TRIM65: variants seen among roughly 807,000 people sequenced by gnomAD.
The protein encoded by TRIM65 is tripartite motif containing 65, also known as E3 ubiquitin-protein ligase TRIM65.
TRIM65 carries 46 observed loss-of-function variants against 36.1 expected under a neutral mutation model. That is an observed-to-expected ratio of 1.27 (90% confidence interval 1.01 to 1.63). TRIM65 has a LOEUF of 1.63. TRIM65 is among the 40% of genes most tolerant of loss of function. TRIM65 has a pLI of 0.00. For synonymous variants in TRIM65, 346 were observed against 313.6 expected, an observed-to-expected ratio of 1.10 and a Z score of -1.09; for missense variants, 708 against 696.6, an observed-to-expected ratio of 1.02 and a Z score of -0.18.
chr17:75,880,334 C>CTT (rs112950190), downstream of TRIM65: 16 of 133,028 alleles, frequency 1.2e-4, 1 homozygote, highest in Non-Finnish European at 1.4e-4. Flanking sequence ...TTCAAATGTC[C>CTT]TTTTTTTTTT....
At position 75,896,687 on chromosome 17, in the gene TRIM65, T is replaced by TCGGGGCCGGGATCCCGGG; in HGVS notation, c.233_250dup (p.Ala78_Pro83dup). The TCGGGGCCGGGATCCCGGG allele has an allele frequency of 5.4e-6, 7 of 1,297,232 alleles. No individual in the cohort carries two copies. Among genetic ancestry groups the TCGGGGCCGGGATCCCGGG allele is most frequent in the Non-Finnish European group, 5.8e-6 (6 of 1,028,754 alleles). The allele number at this position is 1,297,232 out of a possible 1,614,324, so 80.4% of individuals were successfully genotyped here. A position where few individuals can be genotyped will look rare whatever the true frequency, so the allele number is the denominator to read the frequency against. On this transcript the variant is annotated inframe_insertion, in exon 1 of 6. Transcript: ENST00000269383. ...GGCAGGGTCGGGGCCGGGGCCGGGA[T>TCGGGGCCGGGATCCCGGG]CGGGGCCGGGATCCCGGGCGGGCCC... is the stretch of plus-strand genomic sequence containing the variant.
intron 4 of TRIM65, among the ~76,000 whole-genome samples, chr17:75,883,685 G>A (rs893788734): frequency 1.3e-5 from 2 of 151,424 alleles, no homozygotes; most frequent in South Asian, 2.1e-4. Context: ...CTGCCACCAC[G>A]CCTGGCTAAT....
In TRIM65 at chr17:75,881,222, C is replaced by T. The variant is rs1490994776; in HGVS notation, c.350-593G>A. On this transcript the variant is annotated intron_variant, in intron 4 of 4. Transcript: ENST00000591668. ...GTACTCTCCAGCCTCGGTGACACAGCGAGACTCCATCTCAAAAAAAAAAAA... is the reference window on the plus strand; with the variant it reads ...GTACTCTCCAGCCTCGGTGACACAGTGAGACTCCATCTCAAAAAAAAAAAA... Among the ~76,000 whole-genome samples the T allele has an allele frequency of 1.8e-4, 22 of 124,146 alleles. 4 individuals carry two copies. The highest frequency in any genetic ancestry group is 6.3e-4 in the African/African-American group (21 of 33,374). 81.4% of individuals were successfully genotyped at this position (124,146 alleles called of 152,430 possible).
chr17:75,892,213 T>G, intron 3 of TRIM65, 28 bp from the exon 4 acceptor site: 1 of 1,584,230 alleles, frequency 6.3e-7, no homozygotes, highest in Non-Finnish European at 8.6e-7. Context: ...CAAGTAAGCC[T>G]GGGCCTGAGG....
chr17:75,884,825 G>A (rs963825609), downstream of TRIM65, among the ~76,000 whole-genome samples: 1 of 151,998 alleles, frequency 6.6e-6, no homozygotes, highest in South Asian at 2.1e-4. Flanking sequence ...CACCATATAC[G>A]TGGTTTTCAG....
At position 75,896,689 on chromosome 17, in the gene TRIM65, G is replaced by T. The variant is rs2065353514; in HGVS notation, c.249C>A (p.Pro83=). Reference sequence around the variant, plus strand: ...CAGGGTCGGGGCCGGGGCCGGGATCGGGGCCGGGATCCCGGGCGGGCCCGG... The same window carrying T: ...CAGGGTCGGGGCCGGGGCCGGGATCTGGGCCGGGATCCCGGGCGGGCCCGG... ...VRAGPARDPG[P]DPGPGPDPAA... is the part of the protein sequence containing the mutation. The change falls in exon 1 of 6, where the codon CCC becomes CCA. Residue 83 remains proline, a synonymous_variant. Coordinates refer to ENST00000269383, the MANE Select transcript of TRIM65 (RefSeq NM_173547.4). The T allele has an allele frequency of 2.3e-6, 3 of 1,300,486 alleles. No individual in the cohort carries two copies. The East Asian group carries it at 9.6e-5, about 41-fold the overall frequency. 80.6% of individuals were successfully genotyped at this position (1,300,486 alleles called of 1,614,324 possible). A position where few individuals can be genotyped will look rare whatever the true frequency, so the allele number is the denominator to read the frequency against.
chr17:75,882,000 C>G (rs918026265), intron 4 of TRIM65, among the ~76,000 whole-genome samples: 1 of 150,408 alleles, frequency 6.6e-6, no homozygotes, highest in African/African-American at 2.5e-5. Flanking sequence ...CAGTGCCACC[C>G]TGCTCCGTGG....
rs781171952 is a variant in TRIM65, at chr17:75,892,105, G to A, written c.825C>T (p.Asp275=). Residue 275 remains aspartate, a synonymous_variant, in exon 4 of 6, where the codon GAC becomes GAT. Transcript: ENST00000269383. ...LQWDEDQQLG[D]LKQLLSRLCG... is the part of the protein sequence containing the mutation. ...ACAGCCGGCTTAGCAACTGCTTCAG[G>A]TCACCCAGCTGTTGGTCTTCATCCC... The A allele has an allele frequency of 9.0e-6, 14 of 1,557,766 alleles. No individual in the cohort carries two copies. Among genetic ancestry groups the A allele is most frequent in the South Asian group, 2.4e-5 (2 of 84,624 alleles).
chr17:75,893,588 C>T (rs1467461416), intron 1 of TRIM65, among the ~76,000 whole-genome samples: 1 of 152,126 alleles, frequency 6.6e-6, no homozygotes, highest in Non-Finnish European at 1.5e-5. Context: ...CTGCTCCTCC[C>T]GCAATGCACT....
At chr17:75,882,578 A>G (rs557619385) in intron 4 of TRIM65, among the ~76,000 whole-genome samples, 4 of 150,686 alleles carry the variant, frequency 2.7e-5, no homozygotes, top group African/African-American at 1.0e-4. Context: ...AGTTCACTTC[A>G]AAATGAATTG....
At chr17:75,893,187 C>T (rs1475242715) in intron 1 of TRIM65, among the ~76,000 whole-genome samples, 2 of 152,212 alleles carry the variant, frequency 1.3e-5, no homozygotes, top group Non-Finnish European at 2.9e-5. Flanking sequence ...AACCCCCCAC[C>T]CATCAATACA....
chr17:75,883,688 T>C (rs1434801626), intron 4 of TRIM65, among the ~76,000 whole-genome samples: 1 of 151,652 alleles, frequency 6.6e-6, no homozygotes, highest in South Asian at 2.1e-4. Context: ...CCACCACGCC[T>C]GGCTAATTTT....
chr17:75,883,567 G>A (rs148901818), intron 4 of TRIM65, among the ~76,000 whole-genome samples: 54,470 of 125,154 alleles, frequency 0.44, 13,665 homozygotes, highest in African/African-American at 0.74. Flanking sequence ...TCGCTCTGTC[G>A]CCCAGGCTGG....
Position 75,896,562 on chromosome 17 carries a change from C to G in TRIM65, c.376G>C (p.Glu126Gln). The part of the protein sequence containing the change: ...VCTVRECRLH[E>Q]RALLDAERLK... ...CGCTCGGCATCCAGCAGCGCCCGCTCGTGGAGGCGACACTCGCGCACGGTG... is the reference window on the plus strand; with the variant it reads ...CGCTCGGCATCCAGCAGCGCCCGCTGGTGGAGGCGACACTCGCGCACGGTG... Residue 126 changes from glutamate to glutamine, a missense_variant, in exon 1 of 6, where the codon GAG becomes CAG. By Grantham distance (29) the Glu-to-Gln change is conservative. Transcript: ENST00000269383. 2 of 1,360,690 alleles carry G rather than the reference C, an allele frequency of 1.5e-6. No homozygotes were observed. Among genetic ancestry groups the G allele is most frequent in the Non-Finnish European group, 1.9e-6 (2 of 1,057,966 alleles). 84.3% of individuals were successfully genotyped at this position (1,360,690 alleles called of 1,614,324 possible). A position where few individuals can be genotyped will look rare whatever the true frequency, so the allele number is the denominator to read the frequency against.
rs2065243983 is a variant in TRIM65, at chr17:75,889,967, G to C, written c.*812C>G. 6.6e-6 allele frequency: 1 copy of C among 152,156 alleles called. No homozygotes were observed. The highest frequency in any genetic ancestry group is 1.5e-5 in the Non-Finnish European group (1 of 68,020). The allele number at this position is 152,156 out of a possible 1,614,324, so 9.4% of individuals were successfully genotyped here. On this transcript the variant is annotated 3_prime_UTR_variant, in exon 6 of 6. Transcript: ENST00000269383. ...CAATGTTTGTATAGCTAAAAAGAAA[G>C]AAATTTAAATGTCCAATAATGGATA...
At position 75,892,096 on chromosome 17, in the gene TRIM65, C is replaced by T; in HGVS notation, c.834G>A (p.Gln278=). The change falls in exon 4 of 6, where the codon CAG becomes CAA. Residue 278 remains glutamine (Q), a synonymous_variant. Transcript: ENST00000269383. ...GGAGGCCACACAGCCGGCTTAGCAA[C>T]TGCTTCAGGTCACCCAGCTGTTGGT... The part of the protein sequence containing the change: ...DEDQQLGDLK[Q]LLSRLCGLLL... 2.6e-6 allele frequency: 4 copies of T among 1,554,934 alleles called. No homozygotes were observed. Among genetic ancestry groups the T allele is most frequent in the Non-Finnish European group, 3.5e-6 (4 of 1,148,824 alleles).
rs1371849742 is a variant in TRIM65, at chr17:75,891,278, T to G, written c.1055A>C (p.Gln352Pro). The G allele has an allele frequency of 6.2e-7, 1 of 1,612,956 alleles. No homozygotes were observed. The highest frequency in any genetic ancestry group is 8.5e-7 in the Non-Finnish European group (1 of 1,179,872). The change falls in exon 6 of 6, where the codon CAG becomes CCG. Residue 352 changes from glutamine (Q) to proline (P), a missense_variant. Coordinates refer to ENST00000269383, the MANE Select transcript of TRIM65 (RefSeq NM_173547.4). ...CCGGGACTGACGACAGTGCTTCACC[T>G]GCTGGTCCTGGCGCGACAGATAGAA... ...RHFYLSRQDQ[Q>P]VKHCRQSRGP...
chr17:75,889,082 A>G lies in TRIM65; in HGVS notation c.*1697T>C. 2 of 141,616 alleles carry G rather than the reference A, an allele frequency of 1.4e-5. No individual in the cohort carries two copies. Among genetic ancestry groups the G allele is most frequent in the Admixed American group, 7.1e-5 (1 of 14,090 alleles). 8.8% of individuals were successfully genotyped at this position (141,616 alleles called of 1,614,324 possible). ...CTTTTTTTTTTTTTTTTTGAGACAGAGTCTCGCTCTGTCACCCAGGCTGTA... is the reference window on the plus strand; with the variant it reads ...CTTTTTTTTTTTTTTTTTGAGACAGGGTCTCGCTCTGTCACCCAGGCTGTA... On this transcript the variant is annotated 3_prime_UTR_variant, in exon 6 of 6. Transcript: ENST00000269383.
chr17:75,886,082 C>T (rs1036727233), downstream of TRIM65, among the ~76,000 whole-genome samples: 3 of 152,146 alleles, frequency 2.0e-5, no homozygotes, highest in Admixed American at 1.3e-4. Flanking sequence ...ATAAGTCTCA[C>T]GAGATCTGAT....
Sources: allele counts gnomAD v4.1 joint callset (sites outside exome capture counted in the v4.1 genomes callset), GRCh38; gene constraint gnomAD v4.1.1; transcripts MANE v1.5; gene names NCBI Gene and HGNC (gene_info 2026-07-23, HGNC 2026-07-21).